SLA: variants seen among roughly 807,000 people sequenced by gnomAD.
The protein encoded by SLA is src-like-adapter.
In SLA, 16 loss-of-function variants were observed where a neutral mutation model predicts 30.3. That is an observed-to-expected ratio of 0.53 (90% CI 0.36 to 0.80). SLA has a LOEUF of 0.80. SLA is among the 30% of genes least tolerant of loss of function. The probability of loss-of-function intolerance (pLI) is 0.01; values close to 1 mark genes in which losing one functional copy is unlikely to be tolerated. For missense variants in SLA, 310 were observed against 345.2 expected, an observed-to-expected ratio of 0.90 and a Z score of 0.81; for synonymous variants, 143 against 137.8, an observed-to-expected ratio of 1.04 and a Z score of -0.26.
chr8:133,047,531 G>A, intron 6 of SLA: 1 of 421,776 alleles, frequency 2.4e-6, no homozygotes, highest in Admixed American at 3.7e-5. Context: ...ACAGCATGCT[G>A]CCTACACACT....
At chr8:133,057,487 C>T (rs931984880) in intron 3 of SLA, among the ~76,000 whole-genome samples, 1 of 152,170 alleles carries the variant, frequency 6.6e-6, no homozygotes, top group African/African-American at 2.4e-5. Context: ...TAACCCCAAA[C>T]AGAGTTTTTA....
At position 133,075,067 on chromosome 8, in the gene SLA, G is replaced by C. The variant is rs1844654558; in HGVS notation, c.-255C>G. ...TCTGCTAGGAACGAGGAAGGCACAGGGCTTGCAGAAGGGCAGGTTCCTGTT... is the reference window on the plus strand; with the variant it reads ...TCTGCTAGGAACGAGGAAGGCACAGCGCTTGCAGAAGGGCAGGTTCCTGTT... On this transcript the variant is annotated 5_prime_UTR_variant, in exon 2 of 9. Coordinates refer to ENST00000338087, the MANE Select transcript of SLA (RefSeq NM_001045556.3). 1 of 985,310 alleles carries C rather than the reference G, an allele frequency of 1.0e-6. No individual in the cohort carries two copies. Among genetic ancestry groups the C allele is most frequent in the Admixed American group, 6.1e-5 (1 of 16,266 alleles). The allele number at this position is 985,310 out of a possible 1,614,324, so 61.0% of individuals were successfully genotyped here. A position where few individuals can be genotyped will look rare whatever the true frequency, so the allele number is the denominator to read the frequency against.
chr8:133,051,780 G>T (rs1564120998), intron 3 of SLA, among the ~76,000 whole-genome samples: 1 of 152,120 alleles, frequency 6.6e-6, no homozygotes, highest in African/African-American at 2.4e-5. Context: ...ATACATTTTT[G>T]GGGGAAATAA....
intron 1 of SLA, among the ~76,000 whole-genome samples, chr8:133,080,633 G>A (rs1266230387): frequency 6.6e-6 from 1 of 152,034 alleles, no homozygotes; most frequent in Admixed American, 6.6e-5. Context: ...CCCTTTCCTG[G>A]CATTCAAAGC....
intron 1 of SLA, among the ~76,000 whole-genome samples, chr8:133,090,633 G>A (rs1847348689): frequency 6.6e-6 from 1 of 152,166 alleles, no homozygotes; most frequent in South Asian, 2.1e-4. Context: ...TCCTAATGAT[G>A]AATACAACCA....
chr8:133,038,932 C>A (rs1837610357), intron 8 of SLA, among the ~76,000 whole-genome samples, 195 bp from the exon 9 acceptor site: 1 of 152,178 alleles, frequency 6.6e-6, no homozygotes, highest in South Asian at 2.1e-4. Context: ...GGCTGGAGTG[C>A]AGTGGTGCAA....
At position 133,075,651 on chromosome 8, in the gene SLA, T is replaced by A. The variant is rs529228640; in HGVS notation, c.-318-521A>T. On this transcript the variant is annotated intron_variant, in intron 1 of 8. Transcript: ENST00000338087. ...TGACGGCTATATCTTTCAAAGAGTT[T>A]GTTAAAAGAAAAGCTGCATCCCTAT... 9.2e-5 allele frequency among the ~76,000 whole-genome samples: 14 copies of A among 152,296 alleles called. No homozygotes were observed. The South Asian group carries it at 1.0e-3, about 11-fold the overall frequency.
chr8:133,096,970 T>G (rs1848511209), intron 1 of SLA, among the ~76,000 whole-genome samples: 1 of 152,198 alleles, frequency 6.6e-6, no homozygotes, highest in African/African-American at 2.4e-5. Flanking sequence ...CTCACTAGGA[T>G]GTGGCTAACC....
chr8:133,050,393 T>A (rs749040144), intron 4 of SLA: 2 of 275,508 alleles, frequency 7.3e-6, no homozygotes, highest in Non-Finnish European at 7.0e-6. Flanking sequence ...TGTCATGTTC[T>A]ATAGCCCATA....
intron 2 of SLA, among the ~76,000 whole-genome samples, chr8:133,060,861 G>A (rs1050971732): frequency 5.3e-5 from 8 of 152,176 alleles, no homozygotes; most frequent in Non-Finnish European, 1.0e-4. Flanking sequence ...ACTTGTATGA[G>A]GTCACATGGC....
intron 4 of SLA, 59 bp downstream of exon 4, chr8:133,050,757 C>T: frequency 8.9e-7 from 1 of 1,122,896 alleles, no homozygotes; most frequent in East Asian, 2.3e-5. Context: ...AAATACTTTT[C>T]TCCCAAACCA....
chr8:133,069,468 A>C (rs1350470275), intron 2 of SLA, among the ~76,000 whole-genome samples: 1 of 152,058 alleles, frequency 6.6e-6, no homozygotes, highest in African/African-American at 2.4e-5. Context: ...GATCTCCATG[A>C]TGTTTTTAAT....
intron 7 of SLA, among the ~76,000 whole-genome samples, chr8:133,043,927 A>C (rs1838798325): frequency 6.6e-6 from 1 of 152,150 alleles, no homozygotes; most frequent in South Asian, 2.1e-4. Flanking sequence ...AGTGGGGAGG[A>C]TGGCAATGTT....
At position 133,050,854 on chromosome 8, in the gene SLA, C is replaced by T. The variant is rs143198289; in HGVS notation, c.123G>A (p.Pro41=). Residue 41 remains proline (P), a synonymous_variant, in exon 4 of 9, where the codon CCG becomes CCA. Coordinates refer to ENST00000338087, the MANE Select transcript of SLA (RefSeq NM_001045556.3). ...SDYPSPDISP[P]IFRRGEKLRV... ...GCAGTTTCTCCCCTCGGCGGAATAT[C>T]GGGGGGCTGATGTCAGGAGACGGGT... is the stretch of plus-strand genomic sequence containing the variant. 179 of 1,613,700 alleles carry T rather than the reference C, an allele frequency of 1.1e-4. No homozygotes were observed. Among genetic ancestry groups the T allele is most frequent in the East Asian group, 6.7e-4 (30 of 44,872 alleles).
intron 1 of SLA, among the ~76,000 whole-genome samples, chr8:133,088,925 A>G (rs899201250): frequency 2.0e-5 from 3 of 152,244 alleles, no homozygotes; most frequent in African/African-American, 7.2e-5. Context: ...AGAGAATACA[A>G]ATATAAACTT....
chr8:133,064,925 A>G (rs2248330), intron 2 of SLA, among the ~76,000 whole-genome samples: 115,709 of 151,550 alleles, frequency 0.76, 44,328 homozygotes, highest in Admixed American at 0.82. Context: ...AGACAAATTG[A>G]GGAAGTCCAA....
At chr8:133,092,563 G>A (rs977843857) in intron 1 of SLA, among the ~76,000 whole-genome samples, 3 of 152,150 alleles carry the variant, frequency 2.0e-5, no homozygotes, top group Non-Finnish European at 4.4e-5. Context: ...CAGAGGACAC[G>A]CTTCTTCACC....
intron 2 of SLA, among the ~76,000 whole-genome samples, chr8:133,067,868 A>AGGAAGGG: frequency 3.6e-5 from 1 of 27,872 alleles, no homozygotes; most frequent in African/African-American, 1.4e-4. Context: ...GAAAGAAAGA[A>AGGAAGGG]AGGAAGGAAG....
At chr8:133,072,240 C>G (rs773692312) in intron 2 of SLA, among the ~76,000 whole-genome samples, 8 of 152,230 alleles carry the variant, frequency 5.3e-5, no homozygotes, top group Non-Finnish European at 8.8e-5. Context: ...ACTGAGCCCC[C>G]AACCCCTAAA....
Sources: gnomAD v4.1 joint callset for allele counts (sites outside exome capture counted in the v4.1 genomes callset) on GRCh38, gnomAD v4.1.1 for gene constraint, MANE v1.5 for transcripts, NCBI Gene and HGNC (gene_info 2026-07-23, HGNC 2026-07-21) for gene names.